CALN1: variants seen among roughly 807,000 people sequenced by gnomAD.
CALN1 encodes the protein calneuron 1, also known as calcium-binding protein 8.
A neutral mutation model predicts 30.6 loss-of-function variants in CALN1; 17 were observed. That is an observed-to-expected ratio of 0.56 (90% CI 0.38 to 0.83). CALN1 has a LOEUF of 0.83. Ranked by LOEUF, CALN1 falls within the 40% of genes least tolerant of loss-of-function variation. The pLI is 0.00. For missense variants in CALN1, 291 were observed against 354.9 expected (o/e 0.82, Z 1.45); for synonymous variants, 156 against 131.4 (o/e 1.19, Z -1.28).
At chr7:72,336,354 C>T (rs541995241) in intron 2 of CALN1, among the ~76,000 whole-genome samples, 3 of 152,262 alleles carry the variant, frequency 2.0e-5, no homozygotes, top group South Asian at 4.1e-4. Flanking sequence ...GCCTGGTGGC[C>T]ACTGGCGCCT....
intron 3 of CALN1, among the ~76,000 whole-genome samples, chr7:72,217,034 G>C (rs549989168): frequency 6.6e-6 from 1 of 152,056 alleles, no homozygotes; most frequent in Non-Finnish European, 1.5e-5. Flanking sequence ...CATCACATCC[G>C]GCCTTCAGCA....
chr7:72,078,573 T>C (rs1346863570), intron 4 of CALN1, among the ~76,000 whole-genome samples: 1 of 152,104 alleles, frequency 6.6e-6, no homozygotes, highest in African/African-American at 2.4e-5. Flanking sequence ...GATTCCCAGA[T>C]TGTCGAGCAA....
At chr7:72,218,696 A>G (rs2129549050) in intron 3 of CALN1, among the ~76,000 whole-genome samples, 1 of 152,310 alleles carries the variant, frequency 6.6e-6, no homozygotes, top group East Asian at 1.9e-4. Context: ...AGAGAAAACC[A>G]TTAATCCACT....
chr7:72,459,332 AG>A, the CALN1 span, among the ~76,000 whole-genome samples: 5 of 152,266 alleles, frequency 3.3e-5, no homozygotes, highest in Non-Finnish European at 5.9e-5. Context: ...CCTGTAATCA[AG>A]GGACAGTCTG....
At chr7:71,823,641 C>T (rs572987831) in intron 5 of CALN1, among the ~76,000 whole-genome samples, 2 of 152,108 alleles carry the variant, frequency 1.3e-5, no homozygotes, top group South Asian at 4.1e-4. Context: ...TTGCTTGAAC[C>T]TGGGAGGTGG....
intron 5 of CALN1, among the ~76,000 whole-genome samples, chr7:71,839,205 T>C (rs1179033258): frequency 6.6e-6 from 1 of 152,194 alleles, no homozygotes; most frequent in African/African-American, 2.4e-5. Flanking sequence ...CTAGATGTGA[T>C]GTCTGGAACT....
chr7:72,058,858 G>T (rs1200626446), intron 4 of CALN1, among the ~76,000 whole-genome samples: 1 of 152,000 alleles, frequency 6.6e-6, no homozygotes, highest in Non-Finnish European at 1.5e-5. Context: ...ATGGTATTCT[G>T]CATTAAAAAA....
chr7:72,461,264 A>G, the CALN1 span, among the ~76,000 whole-genome samples: 6 of 152,222 alleles, frequency 3.9e-5, no homozygotes, highest in Non-Finnish European at 5.9e-5. Flanking sequence ...GATTTCTCAA[A>G]GAACTGAAAC....
At position 72,393,742 on chromosome 7, in the gene CALN1, CTTTTT is replaced by C. The variant is rs11302119; in HGVS notation, c.119+9504_119+9508del. 1.0e-3 allele frequency among the ~76,000 whole-genome samples: 129 copies of C among 125,780 alleles called. 1 individual carries two copies. Among genetic ancestry groups the C allele is most frequent in the African/African-American group, 3.7e-3 (120 of 32,854 alleles). The allele number at this position is 125,780 out of a possible 152,430, so 82.5% of individuals were successfully genotyped here. On this transcript the variant is annotated intron_variant, in intron 2 of 6. Transcript: ENST00000395275. The stretch of plus-strand genomic sequence containing the variant: ...GCCATTTAGCTTATTGACCATAGAG[CTTTTT>C]TTTTTTTTTTTTTCTATTTTGAGAC...
At chr7:72,137,702 G>A (rs529020090) in intron 3 of CALN1, among the ~76,000 whole-genome samples, 3 of 152,330 alleles carry the variant, frequency 2.0e-5, no homozygotes, top group African/African-American at 4.8e-5. Context: ...TGTGGATTAG[G>A]TGGTGGTATA....
intron 2 of CALN1, among the ~76,000 whole-genome samples, chr7:72,287,807 A>T (rs563174761): frequency 1.3e-5 from 2 of 152,202 alleles, no homozygotes; most frequent in African/African-American, 4.8e-5. Flanking sequence ...TCGATGGAAA[A>T]GTGTGCTGCA....
At chr7:72,140,521 G>GTATTTCC (rs1034500888) in intron 3 of CALN1, among the ~76,000 whole-genome samples, 28 of 152,236 alleles carry the variant, frequency 1.8e-4, no homozygotes, top group Admixed American at 7.9e-4. Context: ...CTTGCTGAAA[G>GTATTTCC]TATTTCCCTC....
chr7:72,110,221 G>A (rs2129541518), intron 3 of CALN1, among the ~76,000 whole-genome samples: 1 of 152,220 alleles, frequency 6.6e-6, no homozygotes, highest in South Asian at 2.1e-4. Flanking sequence ...CTTACATTGG[G>A]CGACACCCCA....
chr7:72,354,141 T>C (rs2867674), intron 2 of CALN1, among the ~76,000 whole-genome samples: 149,826 of 152,276 alleles, frequency 0.98, 73,747 homozygotes, highest in Middle Eastern at 1. Flanking sequence ...GAAACGAAAT[T>C]GTGCCACTGC....
chr7:72,404,808 G>T (rs911401739), intron 1 of CALN1, among the ~76,000 whole-genome samples: 12 of 152,152 alleles, frequency 7.9e-5, no homozygotes, highest in East Asian at 1.9e-4. Flanking sequence ...TGTGGATGGT[G>T]GACATTATTG....
chr7:72,412,476 T>C (rs1807250375), upstream of CALN1: 1 of 152,104 alleles, frequency 6.6e-6, no homozygotes, highest in Admixed American at 6.6e-5. Context: ...TGCTGATTGG[T>C]CCATTTTTAC....
intron 3 of CALN1, among the ~76,000 whole-genome samples, chr7:72,139,825 A>G (rs1469821547): frequency 6.6e-6 from 1 of 152,118 alleles, no homozygotes; most frequent in African/African-American, 2.4e-5. Context: ...ACTATATACT[A>G]TGTTGCTACT....
At chr7:71,830,273 C>A (rs956788071) in intron 5 of CALN1, among the ~76,000 whole-genome samples, 1 of 152,090 alleles carries the variant, frequency 6.6e-6, no homozygotes, top group Non-Finnish European at 1.5e-5. Context: ...CAACTCCTGA[C>A]CTCAGGTGAT....
At chr7:72,454,275 G>A in the CALN1 span, among the ~76,000 whole-genome samples, 1 of 152,304 alleles carries the variant, frequency 6.6e-6, no homozygotes, top group African/African-American at 2.4e-5. Flanking sequence ...TAGGCTAGGA[G>A]GTCTAAGAGA....
Sources: allele counts gnomAD v4.1 joint callset (sites outside exome capture counted in the v4.1 genomes callset), GRCh38; gene constraint gnomAD v4.1.1; transcripts MANE v1.5; gene names NCBI Gene and HGNC (gene_info 2026-07-23, HGNC 2026-07-21).